The following DIAPH3 variants were observed in gnomAD, a reference collection of about 807,000 sequenced individuals.
DIAPH3 encodes the protein diaphanous related formin 3.
In DIAPH3, 117 loss-of-function variants were observed where a neutral mutation model predicts 144.3. That is an observed-to-expected ratio of 0.81 (90% CI 0.70 to 0.95). DIAPH3 has a LOEUF of 0.95. DIAPH3 is among the 40% of genes least tolerant of loss of function. The pLI is 0.00. For synonymous variants in DIAPH3, 519 were observed against 488.9 expected (o/e 1.06, Z -0.81); for missense variants, 1,421 against 1,412.7 (o/e 1.01, Z -0.09).
intron 1 of DIAPH3, among the ~76,000 whole-genome samples, chr13:60,142,571 C>T (rs1267948174): frequency 6.6e-6 from 1 of 152,134 alleles, no homozygotes; most frequent in Non-Finnish European, 1.5e-5. Flanking sequence ...AAGAGGTCTA[C>T]ATGCAGATGG....
chr13:60,033,779 A>C (rs890371901), intron 5 of DIAPH3, among the ~76,000 whole-genome samples: 2 of 152,238 alleles, frequency 1.3e-5, no homozygotes, highest in Non-Finnish European at 2.9e-5. Flanking sequence ...AATTTAATAT[A>C]CAAGAAGCTG....
rs115918971 is a variant in DIAPH3, at chr13:59,989,239, C to T, written c.1361+1919G>A. 3.5e-3 allele frequency among the ~76,000 whole-genome samples: 536 copies of T among 151,266 alleles called. 5 individuals carry two copies. Among genetic ancestry groups the T allele is most frequent in the African/African-American group, 0.012 (513 of 41,372 alleles). On this transcript the variant is annotated intron_variant, in intron 12 of 27. Transcript: ENST00000400324. ...AAACCAAAAAAACAACACTCATAGA[C>T]GTGTACACCAACAAGAGTAAGTTTT... is the stretch of plus-strand genomic sequence containing the variant.
rs562970202 is a variant in DIAPH3 at position 60,075,397 on chromosome 13, C to T, written c.495+18231G>A. 1.5e-4 allele frequency among the ~76,000 whole-genome samples: 23 copies of T among 152,250 alleles called. No individual in the cohort carries two copies. In the South Asian group the frequency reaches 3.9e-3, roughly 26 times the overall value. ...GCTTGCTCCCTCTCTCTCTCTCCTT[C>T]GCTACCCATACAAAAGTTTTTAGTT... On this transcript the variant is annotated intron_variant, in intron 4 of 27. Transcript: ENST00000400324.
At chr13:59,923,642 T>C (rs549798161) in intron 18 of DIAPH3, among the ~76,000 whole-genome samples, 1 of 152,138 alleles carries the variant, frequency 6.6e-6, no homozygotes, top group East Asian at 1.9e-4. Flanking sequence ...AAAGTGACAT[T>C]AACTCCACTC....
intron 27 of DIAPH3, among the ~76,000 whole-genome samples, chr13:59,712,380 G>A (rs1488028336): frequency 6.6e-6 from 1 of 152,146 alleles, no homozygotes; most frequent in Non-Finnish European, 1.5e-5. Context: ...GTCTGTTCAA[G>A]TCAGTAACTC....
At chr13:60,032,688 T>C in intron 5 of DIAPH3, among the ~76,000 whole-genome samples, 1 of 152,198 alleles carries the variant, frequency 6.6e-6, no homozygotes, top group African/African-American at 2.4e-5. Context: ...GGGCCAGTGA[T>C]GGGAGGGGCT....
intron 4 of DIAPH3, among the ~76,000 whole-genome samples, chr13:60,077,289 T>G (rs1333698466): frequency 6.6e-6 from 1 of 152,054 alleles, no homozygotes; most frequent in Non-Finnish European, 1.5e-5. Context: ...ATGAGAACAC[T>G]AGTTCTCATC....
chr13:59,698,561 CCT>C (rs777632386), intron 27 of DIAPH3, among the ~76,000 whole-genome samples: 4 of 152,106 alleles, frequency 2.6e-5, no homozygotes, highest in Non-Finnish European at 2.9e-5. Flanking sequence ...AGCAAAAATC[CCT>C]TTCATCTATC....
At chr13:59,781,666 G>A (rs1435629884) in intron 25 of DIAPH3, among the ~76,000 whole-genome samples, 1 of 152,188 alleles carries the variant, frequency 6.6e-6, no homozygotes, top group African/African-American at 2.4e-5. Flanking sequence ...ATCCATTGAA[G>A]ACTTTGGATA....
At chr13:60,057,890 T>G (rs2056617316) in intron 4 of DIAPH3, among the ~76,000 whole-genome samples, 1 of 151,734 alleles carries the variant, frequency 6.6e-6, no homozygotes, top group African/African-American at 2.4e-5. Context: ...ATATAAAAAT[T>G]AACTTAAAAT....
intron 5 of DIAPH3, chr13:60,020,970 A>C (rs1204794653): frequency 6.6e-6 from 1 of 152,238 alleles, no homozygotes; most frequent in Non-Finnish European, 1.5e-5. Context: ...GCCTGTGCTG[A>C]GCAACAGAGA....
chr13:59,712,849 C>A (rs1214805104), intron 27 of DIAPH3, among the ~76,000 whole-genome samples: 1 of 152,172 alleles, frequency 6.6e-6, no homozygotes, highest in African/African-American at 2.4e-5. Flanking sequence ...GGACTGGTTT[C>A]ATGGAAGACA....
At chr13:59,972,506 T>G (rs965654425) in intron 15 of DIAPH3, among the ~76,000 whole-genome samples, 1 of 152,050 alleles carries the variant, frequency 6.6e-6, no homozygotes, top group African/African-American at 2.4e-5. Flanking sequence ...AAATAGACCA[T>G]GTATAAAAGC....
At chr13:59,883,844 C>A (rs2045254367) in intron 20 of DIAPH3, among the ~76,000 whole-genome samples, 1 of 152,122 alleles carries the variant, frequency 6.6e-6, no homozygotes, top group Admixed American at 6.6e-5. Flanking sequence ...CAAGTAACAC[C>A]CTGCAATGAG....
intron 27 of DIAPH3, among the ~76,000 whole-genome samples, chr13:59,767,754 T>A (rs912680126): frequency 4.6e-5 from 7 of 152,178 alleles, no homozygotes; most frequent in African/African-American, 1.7e-4. Context: ...CAGTTCTTTA[T>A]CTCCTTCTCA....
intron 20 of DIAPH3, among the ~76,000 whole-genome samples, chr13:59,902,558 G>C (rs959539061): frequency 6.6e-6 from 1 of 152,136 alleles, no homozygotes; most frequent in African/African-American, 2.4e-5. Flanking sequence ...CAGATCCCTT[G>C]AGGTCAGGAG....
intron 1 of DIAPH3, among the ~76,000 whole-genome samples, chr13:60,138,770 G>A (rs1050315382): frequency 7.9e-6 from 1 of 126,776 alleles, no homozygotes; most frequent in Non-Finnish European, 1.7e-5. Context: ...AGAAGGAGAA[G>A]GAGAAGGAGA....
intron 4 of DIAPH3, among the ~76,000 whole-genome samples, chr13:60,088,565 C>A (rs192465639): frequency 6.6e-6 from 1 of 151,992 alleles, no homozygotes; most frequent in Admixed American, 6.6e-5. Flanking sequence ...GAAAGTAGAA[C>A]GGCAAATAGA....
At chr13:59,965,363 A>G (rs1471167897) in intron 17 of DIAPH3, among the ~76,000 whole-genome samples, 1 of 152,178 alleles carries the variant, frequency 6.6e-6, no homozygotes, top group Non-Finnish European at 1.5e-5. Flanking sequence ...GTCTAAGTGA[A>G]TTAGACTATT....
Sources: allele counts gnomAD v4.1 joint callset (sites outside exome capture counted in the v4.1 genomes callset), GRCh38; gene constraint gnomAD v4.1.1; transcripts MANE v1.5; gene names NCBI Gene and HGNC (gene_info 2026-07-23, HGNC 2026-07-21).